Variants in WNT4 observed in about 807,000 individuals in gnomAD.
WNT4 encodes the protein Wnt family member 4.
In WNT4, 16 loss-of-function variants were observed where a neutral mutation model predicts 34.5. The ratio of observed to expected loss-of-function variants is 0.46; its 90% CI spans 0.31 to 0.70. The LOEUF is 0.70. Among genes scored for constraint, WNT4 ranks in the 30% least tolerant of loss-of-function variants. WNT4 has a pLI of 0.04. For missense variants in WNT4, 379 were observed against 495.9 expected, an observed-to-expected ratio of 0.76 and a Z score of 2.24; for synonymous variants, 200 against 211.9, an observed-to-expected ratio of 0.94 and a Z score of 0.49.
intron 1 of WNT4, among the ~76,000 whole-genome samples, chr1:22,138,175 T>C (rs533720647): frequency 5.9e-5 from 9 of 152,344 alleles, no homozygotes; most frequent in African/African-American, 2.2e-4. Context: ...GGATGAAAGC[T>C]GTAAAATCTG....
chr1:22,122,264 C>T (rs1645905533), intron 2 of WNT4, among the ~76,000 whole-genome samples: 1 of 152,164 alleles, frequency 6.6e-6, no homozygotes, highest in African/African-American at 2.4e-5. Context: ...CATAAGCCCT[C>T]CACCACTGGG....
intron 4 of WNT4, among the ~76,000 whole-genome samples, chr1:22,120,895 G>A (rs1645892261): frequency 6.6e-6 from 1 of 152,168 alleles, no homozygotes; most frequent in Admixed American, 6.5e-5. Flanking sequence ...TCGTGGTGAT[G>A]GAGAGAAAGG....
intron 1 of WNT4, among the ~76,000 whole-genome samples, chr1:22,133,275 G>A (rs1645997381): frequency 6.6e-6 from 1 of 152,124 alleles, no homozygotes; most frequent in Admixed American, 6.5e-5. Context: ...GGTTCCCTCT[G>A]CTTCCCTCCT....
intron 1 of WNT4, among the ~76,000 whole-genome samples, chr1:22,135,324 T>C (rs74059910): frequency 6.6e-6 from 1 of 152,160 alleles, no homozygotes; most frequent in Admixed American, 6.5e-5. Flanking sequence ...GTTTCGCAGA[T>C]GAGGAAACTG....
rs1645882048 is a variant in WNT4 at position 22,120,095 on chromosome 1, C to G, written c.1011G>C (p.Lys337Asn). 1 of 1,612,626 alleles carries G rather than the reference C, an allele frequency of 6.2e-7. No homozygotes were observed. ...CCACGAGCCGCTGGCACTGCCGGCA[C>G]TTGACGAAGCAGCACCAGTGGAATT... is the stretch of plus-strand genomic sequence containing the variant. ...SCKFHWCCFV[K>N]CRQCQRLVEL... The change falls in exon 5 of 5, where the codon AAG becomes AAC. Residue 337 changes from lysine (K) to asparagine (N), a missense_variant. Physicochemically the swap from Lys to Asn is moderately conservative, Grantham distance 94. Transcript: ENST00000290167.
Position 22,139,185 on chromosome 1 carries a change from C to T in WNT4, c.77+3661G>A, listed in dbSNP as rs935579870. Among the ~76,000 whole-genome samples, 2 of 152,138 alleles carry T rather than the reference C, an allele frequency of 1.3e-5. No individual in the cohort carries two copies. The highest frequency in any genetic ancestry group is 2.4e-5 in the African/African-American group (1 of 41,434). ...GCTTGGGAGCAGCAGCCTGAAGGCC[C>T]GTTTTCTCCACCACCCCTATCAATA... On this transcript the variant is annotated intron_variant, in intron 1 of 4. Transcript: ENST00000290167. This position sits in a 1 kb window ranked among gnomAD's most constrained non-coding sequence, Gnocchi z 4.6.
intron 1 of WNT4, among the ~76,000 whole-genome samples, chr1:22,136,296 A>G (rs1174481526): frequency 6.6e-6 from 1 of 152,098 alleles, no homozygotes; most frequent in African/African-American, 2.4e-5. Context: ...GCCAGCAGAG[A>G]GCTCTTCCTT....
At position 22,140,451 on chromosome 1, in the gene WNT4, C is replaced by T. The variant is rs1487244654; in HGVS notation, c.77+2395G>A. On this transcript the variant is annotated intron_variant, in intron 1 of 4. Coordinates refer to ENST00000290167, the MANE Select transcript of WNT4 (RefSeq NM_030761.5). This position sits in a 1 kb window ranked among gnomAD's most constrained non-coding sequence, Gnocchi z 5.9. ...ATCATACAGTCTTCAGACCAAGTCC[C>T]CCTCTGTGCCTGCTCGGGCTCACAC... Among the ~76,000 whole-genome samples, 2 of 152,138 alleles carry T rather than the reference C, an allele frequency of 1.3e-5. No individual in the cohort carries two copies. The highest frequency in any genetic ancestry group is 2.9e-5 in the Non-Finnish European group (2 of 68,020).
chr1:22,122,446 C>T (rs527316052), intron 2 of WNT4, among the ~76,000 whole-genome samples: 4 of 152,244 alleles, frequency 2.6e-5, no homozygotes, highest in Admixed American at 6.5e-5. Flanking sequence ...CCTCGTCCCT[C>T]GCCTGAATGG....
rs12724622 is a variant in WNT4, at chr1:22,121,795, C to T, written c.314-219G>A. 6.6e-3 allele frequency among the ~76,000 whole-genome samples: 1,003 copies of T among 152,348 alleles called. 12 individuals are homozygous for T. The highest frequency in any genetic ancestry group is 8.3e-3 in the Non-Finnish European group (563 of 68,032). ...CAGGCGTGGCTTAGGGCTTTTCAAA[C>T]GTGCAGATGCTGTCATCCTCACAAC... is the stretch of plus-strand genomic sequence containing the variant. On this transcript the variant is annotated intron_variant, in intron 2 of 4. Coordinates refer to ENST00000290167, the MANE Select transcript of WNT4 (RefSeq NM_030761.5).
chr1:22,127,137 T>G (rs1645946243), intron 2 of WNT4: 1 of 382,750 alleles, frequency 2.6e-6, no homozygotes. Context: ...CAGGTGTGAC[T>G]GGCACCTGCC....
rs1464549234 is a variant in WNT4 at position 22,140,743 on chromosome 1, T to G, written c.77+2103A>C. Among the ~76,000 whole-genome samples the G allele has an allele frequency of 6.6e-6, 1 of 152,196 alleles. No homozygotes were observed. Among genetic ancestry groups the G allele is most frequent in the Non-Finnish European group, 1.5e-5 (1 of 68,032 alleles). ...AGCCTCTTGTTCCTCTTGCCTTGGG[T>G]GGAGCAGAGAGACCCTTGGCTTGAA... is the stretch of plus-strand genomic sequence containing the variant. On this transcript the variant is annotated intron_variant, in intron 1 of 4. Coordinates refer to ENST00000290167, the MANE Select transcript of WNT4 (RefSeq NM_030761.5). The surrounding 1 kb of genome is among the most constrained non-coding windows in gnomAD (Gnocchi z 5.9).
chr1:22,125,873 T>C (rs534614868), intron 2 of WNT4, among the ~76,000 whole-genome samples: 1 of 152,320 alleles, frequency 6.6e-6, no homozygotes, highest in Admixed American at 6.5e-5. Flanking sequence ...TCGATATTTG[T>C]TGGTTTATTT....
Position 22,117,637 on chromosome 1 carries a change from TGTGG to T in WNT4, c.*2409_*2412del, listed in dbSNP as rs1645859956. ...CCAAAGAAGCTCCTTTTCCTGTGGC[TGTGG>T]ATTTCTTTGATCTCTGCAGCACTGG... On this transcript the variant is annotated 3_prime_UTR_variant, in exon 5 of 5. Coordinates refer to ENST00000290167, the MANE Select transcript of WNT4 (RefSeq NM_030761.5). 1 of 152,404 alleles carries T rather than the reference TGTGG, an allele frequency of 6.6e-6. No homozygotes were observed. The highest frequency in any genetic ancestry group is 6.5e-5 in the Admixed American group (1 of 15,294). The allele number at this position is 152,404 out of a possible 1,614,324, so 9.4% of individuals were successfully genotyped here.
intron 2 of WNT4, chr1:22,127,410 G>C (rs1645949248): frequency 1.9e-6 from 1 of 533,298 alleles, no homozygotes; most frequent in South Asian, 1.4e-5. Flanking sequence ...TTGCGCCTTT[G>C]AGTCCTCTCC....
intron 2 of WNT4, among the ~76,000 whole-genome samples, chr1:22,123,731 G>A (rs1421799049): frequency 1.3e-5 from 2 of 152,208 alleles, no homozygotes; most frequent in African/African-American, 4.8e-5. Flanking sequence ...TTTTAAACCT[G>A]ACATTATTCT....
At chr1:22,121,962 CAG>C (rs1465489716) in intron 2 of WNT4, among the ~76,000 whole-genome samples, 1 of 152,172 alleles carries the variant, frequency 6.6e-6, no homozygotes, top group Non-Finnish European at 1.5e-5. Flanking sequence ...CTACCCCCAC[CAG>C]AAGGTTCGTG....
rs1273401648 is a variant in WNT4 at position 22,140,036 on chromosome 1, AGGCCACCTGCCCTT to A, written c.77+2796_77+2809del. On this transcript the variant is annotated intron_variant, in intron 1 of 4. Coordinates refer to ENST00000290167, the MANE Select transcript of WNT4 (RefSeq NM_030761.5). This position sits in a 1 kb window ranked among gnomAD's most constrained non-coding sequence, Gnocchi z 5.9. ...CGGCGGGACACCTGGCCTCCCCACC[AGGCCACCTGCCCTT>A]CTGAGACAACAGATAGTCCTGGCTC... Among the ~76,000 whole-genome samples the A allele has an allele frequency of 1.3e-5, 2 of 152,214 alleles. No homozygotes were observed. The highest frequency in any genetic ancestry group is 2.9e-5 in the Non-Finnish European group (2 of 68,044).
Position 22,136,500 on chromosome 1 carries a change from C to T in WNT4, c.77+6346G>A, listed in dbSNP as rs573804873. Among the ~76,000 whole-genome samples, 25 of 152,276 alleles carry T rather than the reference C, an allele frequency of 1.6e-4. No homozygotes were observed. The East Asian group carries it at 2.1e-3, about 13-fold the overall frequency. Reference sequence around the variant, plus strand: ...GGCTCCCGGTTTCTAGTGAGTTCATCGGCCTTGGGGGATACCTTCCAAAGG... The same window carrying T: ...GGCTCCCGGTTTCTAGTGAGTTCATTGGCCTTGGGGGATACCTTCCAAAGG... On this transcript the variant is annotated intron_variant, in intron 1 of 4. Transcript: ENST00000290167.
Sources: allele counts gnomAD v4.1 joint callset (sites outside exome capture counted in the v4.1 genomes callset), GRCh38; gene constraint gnomAD v4.1.1; non-coding constraint Gnocchi (gnomAD v3.1); transcripts MANE v1.5; gene names NCBI Gene and HGNC (gene_info 2026-07-23, HGNC 2026-07-21).